OTUD7A: variants seen among roughly 807,000 people sequenced by gnomAD.
OTUD7A encodes the protein OTU domain-containing protein 7A.
OTUD7A carries 12 observed loss-of-function variants against 65.7 expected under a neutral mutation model. The observed-to-expected ratio is 0.18, with a 90% CI of 0.12 to 0.30. The LOEUF is 0.30. Among genes scored for constraint, OTUD7A ranks in the 10% least tolerant of loss-of-function variants. The probability of loss-of-function intolerance (pLI) is 1.00; values close to 1 mark genes in which losing one functional copy is unlikely to be tolerated. For synonymous variants in OTUD7A, 641 were observed against 586.3 expected (o/e 1.09, Z -1.35); for missense variants, 1,148 against 1,304.8 (o/e 0.88, Z 1.85).
intron 1 of OTUD7A, among the ~76,000 whole-genome samples, chr15:31,825,750 C>G (rs1413978181): frequency 6.6e-6 from 1 of 152,162 alleles, no homozygotes; most frequent in South Asian, 2.1e-4. Flanking sequence ...CAAAAGCAAG[C>G]TACTTATTTC....
chr15:31,856,535 G>A (rs1224899980), intron 1 of OTUD7A, among the ~76,000 whole-genome samples: 1 of 152,152 alleles, frequency 6.6e-6, no homozygotes, highest in African/African-American at 2.4e-5. Context: ...GGTTTGAGAA[G>A]CTCTGTATTA....
At chr15:31,543,020 CAAGAAGAAATGAG>C (rs902001483) in intron 5 of OTUD7A, among the ~76,000 whole-genome samples, 11 of 151,792 alleles carry the variant, frequency 7.2e-5, no homozygotes, top group Middle Eastern at 6.8e-3. Context: ...ATCTGACATG[CAAGAAGAAATGAG>C]GAGAAACAAA....
chr15:31,864,625 G>A lies in OTUD7A; in HGVS notation c.-100+5882C>T, dbSNP rs141719559. ...TGGGTCCCTCCCACAACACATGGAA[G>A]TTCTGGGAGATACAATTCAAGTTGA... On this transcript the variant is annotated intron_variant, in intron 1 of 12. Coordinates refer to ENST00000307050, the MANE Select transcript of OTUD7A (RefSeq NM_001382637.1). Among the ~76,000 whole-genome samples, 1,064 of 152,222 alleles carry A rather than the reference G, an allele frequency of 7.0e-3. 15 individuals are homozygous for A. Among genetic ancestry groups the A allele is most frequent in the African/African-American group, 0.025 (1,024 of 41,506 alleles).
At chr15:31,864,605 C>T (rs542296738) in intron 1 of OTUD7A, among the ~76,000 whole-genome samples, 50 of 152,242 alleles carry the variant, frequency 3.3e-4, no homozygotes, top group African/African-American at 1.2e-3. Flanking sequence ...CCCTCTGGGT[C>T]CCTCCCACAA....
At chr15:31,579,777 C>T (rs925050977) in intron 3 of OTUD7A, among the ~76,000 whole-genome samples, 3 of 152,216 alleles carry the variant, frequency 2.0e-5, no homozygotes, top group African/African-American at 7.2e-5. Context: ...AGTTTCAATA[C>T]ATATATACTC....
chr15:31,853,328 C>T (rs1323879125), intron 1 of OTUD7A, among the ~76,000 whole-genome samples: 1 of 152,208 alleles, frequency 6.6e-6, no homozygotes, highest in East Asian at 1.9e-4. Flanking sequence ...TACTCCTCCA[C>T]ACTTTCTTTG....
chr15:31,558,184 A>ATGT (rs1888560758), intron 5 of OTUD7A: 7 of 152,352 alleles, frequency 4.6e-5, no homozygotes, highest in Admixed American at 2.0e-4. Flanking sequence ...AGAAACCCCC[A>ATGT]GATATGTGAT....
intron 3 of OTUD7A, among the ~76,000 whole-genome samples, chr15:31,619,764 TC>T (rs1182001391): frequency 6.6e-6 from 1 of 151,550 alleles, no homozygotes; most frequent in Non-Finnish European, 1.5e-5. Context: ...TTTATTTCTT[TC>T]TCCTGCCTGA....
intron 3 of OTUD7A, among the ~76,000 whole-genome samples, chr15:31,607,911 G>A (rs956590480): frequency 1.3e-5 from 2 of 152,200 alleles, no homozygotes; most frequent in African/African-American, 2.4e-5. Flanking sequence ...ATTAAGTGAT[G>A]CATGACTGTA....
intron 1 of OTUD7A, among the ~76,000 whole-genome samples, chr15:31,778,350 G>A (rs1051953276): frequency 1.3e-5 from 2 of 152,184 alleles, no homozygotes; most frequent in Non-Finnish European, 2.9e-5. Flanking sequence ...GTGCAGCTGG[G>A]GGATTCCATC....
At chr15:31,665,585 T>C (rs1426689715) in intron 1 of OTUD7A, among the ~76,000 whole-genome samples, 1 of 152,186 alleles carries the variant, frequency 6.6e-6, no homozygotes, top group Non-Finnish European at 1.5e-5. Context: ...GTTTTCAAGG[T>C]AAACAATCAT....
intron 5 of OTUD7A, chr15:31,558,646 CCCA>C: frequency 2.7e-6 from 1 of 374,518 alleles, no homozygotes. Flanking sequence ...TCATTCAACA[CCCA>C]CGGAGGAGTT....
intron 1 of OTUD7A, chr15:31,765,603 C>T (rs959418418): frequency 7.2e-6 from 4 of 555,792 alleles, no homozygotes; most frequent in African/African-American, 1.9e-5. Flanking sequence ...CATTGATAAA[C>T]ATCTATTTTG....
chr15:31,497,658 T>C (rs79679920), intron 10 of OTUD7A, among the ~76,000 whole-genome samples: 7,684 of 152,208 alleles, frequency 0.05, 649 homozygotes, highest in African/African-American at 0.18. Context: ...TCCTGAGTCC[T>C]GGGTCTGAGA....
At chr15:31,765,823 C>G in intron 1 of OTUD7A, 1 of 1,329,030 alleles carries the variant, frequency 7.5e-7, no homozygotes, top group Non-Finnish European at 1.1e-6. Context: ...CCAAAAAGTG[C>G]TGCTTCACTC....
chr15:31,867,395 T>G (rs1016774998), intron 1 of OTUD7A, among the ~76,000 whole-genome samples: 10 of 152,286 alleles, frequency 6.6e-5, no homozygotes, highest in African/African-American at 2.4e-4. Flanking sequence ...AGGCCATGAC[T>G]TGCACACAGC....
At chr15:31,543,513 A>G (rs993303327) in intron 5 of OTUD7A, among the ~76,000 whole-genome samples, 1 of 151,918 alleles carries the variant, frequency 6.6e-6, no homozygotes, top group African/African-American at 2.4e-5. Flanking sequence ...AATCTAAAAC[A>G]GAGGAATACA....
At chr15:31,822,330 G>T (rs1453037198) in intron 1 of OTUD7A, among the ~76,000 whole-genome samples, 1 of 152,184 alleles carries the variant, frequency 6.6e-6, no homozygotes, top group Non-Finnish European at 1.5e-5. Context: ...GCATACCCTA[G>T]ACCCAGCTGC....
chr15:31,827,856 G>GA (rs1172924959), intron 1 of OTUD7A, among the ~76,000 whole-genome samples: 3 of 151,360 alleles, frequency 2.0e-5, no homozygotes, highest in African/African-American at 7.3e-5. Flanking sequence ...GAACTTGGAG[G>GA]GGCGGGGGTT....
Sources: allele counts gnomAD v4.1 joint callset (sites outside exome capture counted in the v4.1 genomes callset), GRCh38; gene constraint gnomAD v4.1.1; transcripts MANE v1.5; gene names NCBI Gene and HGNC (gene_info 2026-07-23, HGNC 2026-07-21).